ITGA9: variants seen among roughly 807,000 people sequenced by gnomAD.
ITGA9 encodes the protein integrin subunit alpha 9, also known as integrin alpha-9.
A neutral mutation model predicts 127.8 loss-of-function variants in ITGA9; 56 were observed. That is an observed-to-expected ratio of 0.44 (90% CI 0.35 to 0.55). ITGA9 has a LOEUF of 0.55. ITGA9 is among the 20% of genes least tolerant of loss of function. The pLI is 0.00. For synonymous variants in ITGA9, 508 were observed against 514.5 expected (o/e 0.99, Z 0.17); for missense variants, 1,196 against 1,347.1 (o/e 0.89, Z 1.76).
rs10694316 is a variant in ITGA9 at position 37,764,466 on chromosome 3, TAAAA to T, written c.2542-12904_2542-12901del. ...CTCAGAAACACTCCGAGATTCTCAG[TAAAA>T]AAAAAAAAAAAAAAAAAAAAATCAA... On this transcript the variant is annotated intron_variant, in intron 23 of 27. Transcript: ENST00000264741. 2.0e-3 allele frequency among the ~76,000 whole-genome samples: 152 copies of T among 74,670 alleles called. 1 individual carries two copies. Among genetic ancestry groups the T allele is most frequent in the South Asian group, 0.018 (23 of 1,266 alleles). 49.0% of individuals were successfully genotyped at this position (74,670 alleles called of 152,430 possible).
chr3:37,811,840 G>T (rs1389389694), intron 27 of ITGA9, among the ~76,000 whole-genome samples: 1 of 152,244 alleles, frequency 6.6e-6, no homozygotes, highest in East Asian at 1.9e-4. Context: ...GTGTTTGCCA[G>T]CCCTCTGAAA....
At chr3:37,740,900 A>T (rs1696424997) in intron 20 of ITGA9, among the ~76,000 whole-genome samples, 1 of 152,116 alleles carries the variant, frequency 6.6e-6, no homozygotes, top group Non-Finnish European at 1.5e-5. Flanking sequence ...ACCCCCATAG[A>T]CTTGCTATAG....
Position 37,794,261 on chromosome 3 carries a change from A to C in ITGA9, c.2889+9183A>C, listed in dbSNP as rs575768248. 2.3e-4 allele frequency among the ~76,000 whole-genome samples: 35 copies of C among 152,294 alleles called. 1 individual carries two copies. Among genetic ancestry groups the C allele is most frequent in the African/African-American group, 7.5e-4 (31 of 41,568 alleles). Reference sequence around the variant, plus strand: ...GGATGCCCCACAGCCGGTCAGTGGAAGAGGAATTTCTGGCCACAGCTCTGC... The same window carrying C: ...GGATGCCCCACAGCCGGTCAGTGGACGAGGAATTTCTGGCCACAGCTCTGC... On this transcript the variant is annotated intron_variant, in intron 26 of 27. Transcript: ENST00000264741.
chr3:37,723,355 T>C (rs1701212277), intron 18 of ITGA9, among the ~76,000 whole-genome samples: 1 of 151,900 alleles, frequency 6.6e-6, no homozygotes, highest in Admixed American at 6.6e-5. Flanking sequence ...GTAATTATTA[T>C]TATTATTTTT....
chr3:37,679,058 A>T (rs752099177), intron 17 of ITGA9, among the ~76,000 whole-genome samples: 4 of 152,204 alleles, frequency 2.6e-5, no homozygotes, highest in Non-Finnish European at 5.9e-5. Flanking sequence ...ATATATTTTC[A>T]GCAGGCTATA....
At chr3:37,687,853 T>C (rs906350745) in intron 18 of ITGA9, among the ~76,000 whole-genome samples, 1 of 152,198 alleles carries the variant, frequency 6.6e-6, no homozygotes, top group African/African-American at 2.4e-5. Context: ...GGTAGTTTAT[T>C]TGGGGGTGGG....
intron 15 of ITGA9, among the ~76,000 whole-genome samples, chr3:37,574,015 A>G (rs1298275701): frequency 1.8e-4 from 28 of 152,096 alleles, no homozygotes; most frequent in Admixed American, 1.8e-3. Context: ...TTAAAGATTT[A>G]TTTATATTTA....
intron 15 of ITGA9, among the ~76,000 whole-genome samples, chr3:37,559,091 C>T (rs1354203994): frequency 6.6e-6 from 1 of 152,162 alleles, no homozygotes; most frequent in Non-Finnish European, 1.5e-5. Flanking sequence ...GAATAGGACC[C>T]CCAAAACACT....
intron 17 of ITGA9, among the ~76,000 whole-genome samples, chr3:37,683,409 A>C (rs937591721): frequency 6.6e-6 from 1 of 152,120 alleles, no homozygotes; most frequent in Non-Finnish European, 1.5e-5. Flanking sequence ...CACAGTTCTT[A>C]CCACAATCTG....
intron 16 of ITGA9, among the ~76,000 whole-genome samples, chr3:37,646,054 A>G (rs1421317255): frequency 3.9e-5 from 6 of 152,236 alleles, no homozygotes; most frequent in Admixed American, 6.5e-5. Flanking sequence ...GGAAAATGCA[A>G]CTTGAGCTGG....
intron 15 of ITGA9, among the ~76,000 whole-genome samples, chr3:37,573,618 C>G (rs1400887506): frequency 6.6e-6 from 1 of 152,110 alleles, no homozygotes; most frequent in Admixed American, 6.5e-5. Context: ...CCTGGGCTGA[C>G]TTGGGTTTCC....
intron 13 of ITGA9, among the ~76,000 whole-genome samples, chr3:37,528,886 A>G (rs982322350): frequency 6.6e-6 from 1 of 152,202 alleles, no homozygotes. Context: ...CTGTCACCCC[A>G]GAGAGTTTCC....
intron 10 of ITGA9, among the ~76,000 whole-genome samples, chr3:37,518,771 CTTTTTTTTTTTTTTTTTT>C (rs543297344): frequency 6.2e-4 from 27 of 43,492 alleles, no homozygotes; most frequent in African/African-American, 2.2e-3. Flanking sequence ...TTTCACTGTA[CTTTTTTTTTTTTTTTTTT>C]TTTTTTTTTT....
At chr3:37,651,471 G>C (rs911418421) in intron 16 of ITGA9, among the ~76,000 whole-genome samples, 1 of 152,328 alleles carries the variant, frequency 6.6e-6, no homozygotes, top group Middle Eastern at 3.4e-3. Context: ...AGAGCAATGT[G>C]TGGTCTTTCG....
chr3:37,708,106 T>G (rs1701027590), intron 18 of ITGA9, among the ~76,000 whole-genome samples: 1 of 152,232 alleles, frequency 6.6e-6, no homozygotes, highest in Non-Finnish European at 1.5e-5. Flanking sequence ...AGGCAGTTTT[T>G]CAGTTCTGGG....
chr3:37,629,264 G>C lies in ITGA9; in HGVS notation c.1767G>C (p.Glu589Asp), dbSNP rs1256241284. The C allele has an allele frequency of 5.0e-6, 8 of 1,614,046 alleles. No individual in the cohort carries two copies. Among genetic ancestry groups the C allele is most frequent in the Non-Finnish European group, 6.8e-6 (8 of 1,180,028 alleles). Residue 589 changes from glutamate (E) to aspartate (D), a missense_variant, in exon 16 of 28, where the codon GAG becomes GAC. Physicochemically the swap from Glu to Asp is conservative, Grantham distance 45 (BLOSUM62 2). Coordinates refer to ENST00000264741, the MANE Select transcript of ITGA9 (RefSeq NM_002207.3). This position sits in a 1 kb window ranked among gnomAD's most constrained non-coding sequence, Gnocchi z 4.5. ...TCAGTGAGCATGTGACTGGAGAGGA[G>C]GAGAGGGAACTGCCGCCTCTGACAC... ...YSLSEHVTGE[E>D]ERELPPLTPV... is the part of the protein sequence containing the mutation.
At chr3:37,466,483 CAAAAAAAAAAAAA>C (rs60980366) in intron 1 of ITGA9, among the ~76,000 whole-genome samples, 64 of 26,066 alleles carry the variant, frequency 2.5e-3, no homozygotes, top group African/African-American at 4.8e-3. Flanking sequence ...GACACCATCT[CAAAAAAAAAAAAA>C]AAAAAAAAAA....
chr3:37,461,855 A>G (rs1380437145), intron 1 of ITGA9, among the ~76,000 whole-genome samples: 1 of 152,234 alleles, frequency 6.6e-6, no homozygotes, highest in East Asian at 1.9e-4. Context: ...TGGAAAGCCA[A>G]GGAGCAGATG....
chr3:37,558,926 G>A (rs559491286), intron 15 of ITGA9, among the ~76,000 whole-genome samples: 75 of 152,274 alleles, frequency 4.9e-4, no homozygotes, highest in African/African-American at 1.7e-3. Context: ...TGGGCTGTGG[G>A]CCTTCTGGTG....
Sources: gnomAD v4.1 joint callset for allele counts (sites outside exome capture counted in the v4.1 genomes callset) on GRCh38, gnomAD v4.1.1 for gene constraint, Gnocchi (gnomAD v3.1) non-coding constraint, MANE v1.5 for transcripts, NCBI Gene and HGNC (gene_info 2026-07-23, HGNC 2026-07-21) for gene names.